FSTL4: variants seen among roughly 807,000 people sequenced by gnomAD.
The protein encoded by FSTL4 is follistatin-related protein 4.
A neutral mutation model predicts 78.2 loss-of-function variants in FSTL4; 28 were observed. The ratio of observed to expected loss-of-function variants is 0.36; its 90% CI spans 0.27 to 0.49. FSTL4 has a LOEUF of 0.49. Among genes scored for constraint, FSTL4 ranks in the 20% least tolerant of loss-of-function variants. The pLI is 0.98. For missense variants in FSTL4, 922 were observed against 1,084.9 expected, an observed-to-expected ratio of 0.85 and a Z score of 2.11; for synonymous variants, 422 against 440.5, an observed-to-expected ratio of 0.96 and a Z score of 0.53.
chr5:133,494,994 T>C (rs1758341642), intron 3 of FSTL4, among the ~76,000 whole-genome samples: 1 of 152,270 alleles, frequency 6.6e-6, no homozygotes, highest in Non-Finnish European at 1.5e-5. Context: ...GTCTCCATTC[T>C]GAGGCAGAAA....
chr5:133,802,616 C>T, the FSTL4 span, among the ~76,000 whole-genome samples: 1 of 140,218 alleles, frequency 7.1e-6, no homozygotes. Context: ...AAACTGAGGG[C>T]CTCACACGGC....
intron 3 of FSTL4, chr5:133,457,682 C>T (rs940364081): frequency 6.6e-6 from 1 of 152,248 alleles, no homozygotes; most frequent in East Asian, 1.9e-4. Flanking sequence ...TGATGGGCTC[C>T]ACCTACAAAG....
intron 4 of FSTL4, among the ~76,000 whole-genome samples, chr5:133,382,146 C>T (rs1179047437): frequency 1.5e-4 from 23 of 152,296 alleles, no homozygotes; most frequent in Middle Eastern, 3.4e-3. Context: ...CACCCTCTCA[C>T]GGAGGAGGTT....
intron 2 of FSTL4, among the ~76,000 whole-genome samples, chr5:133,570,871 A>G (rs1352813970): frequency 6.6e-6 from 1 of 152,210 alleles, no homozygotes; most frequent in Non-Finnish European, 1.5e-5. Flanking sequence ...TAGAAGCCAA[A>G]CAGAATATAA....
intron 4 of FSTL4, among the ~76,000 whole-genome samples, chr5:133,384,679 A>G (rs568282373): frequency 1.3e-5 from 2 of 152,236 alleles, no homozygotes; most frequent in East Asian, 3.9e-4. Flanking sequence ...CTCCAGGGTC[A>G]CTCTGTCCCA....
At chr5:133,247,392 G>C (rs1282583973) in intron 7 of FSTL4, 1 of 152,244 alleles carries the variant, frequency 6.6e-6, no homozygotes, top group East Asian at 1.9e-4. Flanking sequence ...AGTACATTAA[G>C]TGGAGTTTTG....
intron 2 of FSTL4, among the ~76,000 whole-genome samples, chr5:133,580,392 A>G (rs994048965): frequency 6.6e-6 from 1 of 151,942 alleles, no homozygotes; most frequent in Non-Finnish European, 1.5e-5. Flanking sequence ...TCATGTGTTC[A>G]CTCATTCAGT....
At chr5:133,837,125 AT>A in the FSTL4 span, among the ~76,000 whole-genome samples, 15 of 148,360 alleles carry the variant, frequency 1.0e-4, no homozygotes, top group Non-Finnish European at 1.5e-4. Flanking sequence ...ATTTCCTATC[AT>A]TTTTTTTCTG....
At chr5:133,222,832 TTG>T (rs1751186856) in intron 11 of FSTL4, among the ~76,000 whole-genome samples, 1 of 152,236 alleles carries the variant, frequency 6.6e-6, no homozygotes, top group South Asian at 2.1e-4. Flanking sequence ...CTGTTGAGAC[TTG>T]TGTGTCCCCT....
At chr5:133,243,011 C>G (rs933009557) in intron 7 of FSTL4, among the ~76,000 whole-genome samples, 8 of 152,072 alleles carry the variant, frequency 5.3e-5, no homozygotes, top group African/African-American at 1.9e-4. Flanking sequence ...TTCTTTTGGT[C>G]TTTTTAATAA....
intron 4 of FSTL4, among the ~76,000 whole-genome samples, chr5:133,383,070 C>T (rs1451279869): frequency 1.3e-5 from 2 of 152,156 alleles, no homozygotes; most frequent in African/African-American, 2.4e-5. Flanking sequence ...TTGAAATGAC[C>T]TCTCCATTGG....
chr5:133,655,509 C>T, the FSTL4 span, among the ~76,000 whole-genome samples: 6 of 152,250 alleles, frequency 3.9e-5, no homozygotes, highest in African/African-American at 1.4e-4. Flanking sequence ...GAATGGTGTT[C>T]ATTAAGAGTC....
intron 4 of FSTL4, among the ~76,000 whole-genome samples, chr5:133,390,527 T>C (rs1755820505): frequency 6.6e-6 from 1 of 152,206 alleles, no homozygotes; most frequent in Non-Finnish European, 1.5e-5. Flanking sequence ...TCAGGAAGCA[T>C]GGGTGGTTCC....
intron 2 of FSTL4, among the ~76,000 whole-genome samples, chr5:133,568,666 A>G (rs963030483): frequency 1.2e-4 from 19 of 152,330 alleles, no homozygotes; most frequent in Admixed American, 1.1e-3. Flanking sequence ...ATGACAGGTT[A>G]AATGCAGGAA....
chr5:133,437,680 G>C (rs927828912), intron 3 of FSTL4, among the ~76,000 whole-genome samples: 1 of 151,588 alleles, frequency 6.6e-6, no homozygotes, highest in Non-Finnish European at 1.5e-5. Context: ...TAGTAGAGAC[G>C]GGGTTTCGCC....
At position 133,325,999 on chromosome 5, in the gene FSTL4, C is replaced by T. The variant is rs138133956; in HGVS notation, c.410-9347G>A. Among the ~76,000 whole-genome samples, 93 of 152,332 alleles carry T rather than the reference C, an allele frequency of 6.1e-4. 1 individual carries two copies. In the South Asian group the frequency reaches 0.016, roughly 26 times the overall value. On this transcript the variant is annotated intron_variant, in intron 4 of 15. Transcript: ENST00000265342. ...GGCACCCATGTTATATAGCTCAGTGCGGCTGCGTTACAGGGGCCTCAGTTG... is the reference window on the plus strand; with the variant it reads ...GGCACCCATGTTATATAGCTCAGTGTGGCTGCGTTACAGGGGCCTCAGTTG...
At chr5:133,744,996 C>T in the FSTL4 span, among the ~76,000 whole-genome samples, 2 of 152,232 alleles carry the variant, frequency 1.3e-5, no homozygotes, top group Admixed American at 6.5e-5. Flanking sequence ...TGCTATCAGC[C>T]ATGGGATCAA....
chr5:133,801,611 G>A, the FSTL4 span, among the ~76,000 whole-genome samples: 1 of 152,274 alleles, frequency 6.6e-6, no homozygotes, highest in African/African-American at 2.4e-5. Context: ...ATCCTGCAGT[G>A]AGCATAACCA....
At chr5:133,831,368 A>C in the FSTL4 span, among the ~76,000 whole-genome samples, 1 of 152,074 alleles carries the variant, frequency 6.6e-6, no homozygotes, top group Middle Eastern at 3.4e-3. Flanking sequence ...CCTTTTAATG[A>C]CTCTTAAGTG....
Sources: gnomAD v4.1 joint callset for allele counts (sites outside exome capture counted in the v4.1 genomes callset) on GRCh38, gnomAD v4.1.1 for gene constraint, MANE v1.5 for transcripts, NCBI Gene and HGNC (gene_info 2026-07-23, HGNC 2026-07-21) for gene names.